The following SBF1 variants were observed in gnomAD, a reference collection of about 807,000 sequenced individuals.
SBF1 encodes the protein SET binding factor 1.
A neutral mutation model predicts 215.8 loss-of-function variants in SBF1; 65 were observed. The observed-to-expected ratio is 0.30, with a 90% confidence interval of 0.25 to 0.37. The LOEUF is 0.37. SBF1 is among the 10% of genes least tolerant of loss of function. SBF1 has a pLI of 1.00. For missense variants in SBF1, 2,634 were observed against 2,667.8 expected (o/e 0.99, Z 0.28); for synonymous variants, 1,410 against 1,122.8 (o/e 1.26, Z -5.11).
rs1385756882 is a variant in SBF1, at chr22:50,447,042, C to G, written c.*100G>C. On this transcript the variant is annotated 3_prime_UTR_variant, in exon 41 of 41. Coordinates refer to ENST00000380817, the MANE Select transcript of SBF1 (RefSeq NM_002972.4). The stretch of plus-strand genomic sequence containing the variant: ...GTGCTGGGGGCTCGGGGCCTCAATA[C>G]TGTCGAGGGCCGGGGCTGTAAACAT... The G allele has an allele frequency of 1.9e-6, 2 of 1,077,436 alleles. No homozygotes were observed. Among genetic ancestry groups the G allele is most frequent in the African/African-American group, 3.1e-5 (2 of 63,836 alleles). The allele number at this position is 1,077,436 out of a possible 1,614,324, so 66.7% of individuals were successfully genotyped here.
chr22:50,455,825 C>A, intron 31 of SBF1: 1 of 544,066 alleles, frequency 1.8e-6, no homozygotes, highest in Non-Finnish European at 3.2e-6. Context: ...GAGGGACGTC[C>A]CTGTCCCTCA....
chr22:50,468,112 G>A (rs565243639), intron 2 of SBF1, among the ~76,000 whole-genome samples, 189 bp from the exon 3 acceptor site: 1 of 152,298 alleles, frequency 6.6e-6, no homozygotes, highest in Non-Finnish European at 1.5e-5. Context: ...AACAGCCTCT[G>A]ACCTCCCCAC....
chr22:50,464,417 C>T lies in SBF1; in HGVS notation c.1661G>A (p.Gly554Glu), dbSNP rs2067658192. The T allele has an allele frequency of 2.5e-6, 4 of 1,614,002 alleles. No individual in the cohort carries two copies. The highest frequency in any genetic ancestry group is 2.2e-5 in the South Asian group (2 of 91,076). The change falls in exon 15 of 41, where the codon GGG (glycine) becomes GAG (glutamate). Residue 554 changes from glycine to glutamate, a missense_variant. Coordinates refer to ENST00000380817, the MANE Select transcript of SBF1 (RefSeq NM_002972.4). Reference protein sequence around the residue: ...PMTAILERCSGLHVNSARRLE... With the variant: ...PMTAILERCSELHVNSARRLE... ...CCGCCGGGCGCTGTTGACATGCAGCCCACTGCACCGCTCCAGTATGGCAGC... is the reference window on the plus strand; with the variant it reads ...CCGCCGGGCGCTGTTGACATGCAGCTCACTGCACCGCTCCAGTATGGCAGC...
chr22:50,464,062 G>A lies in SBF1; in HGVS notation c.1749+267C>T, dbSNP rs577873343. On this transcript the variant is annotated intron_variant, in intron 15 of 40. Transcript: ENST00000380817. ...CCAATTTAAGGGGAAGGACACAGAC[G>A]AAACATAATAGTGAAACCTTCTGAT... 2.6e-5 allele frequency among the ~76,000 whole-genome samples: 4 copies of A among 152,348 alleles called. No homozygotes were observed. In the South Asian group the frequency reaches 6.2e-4, roughly 24 times the overall value.
chr22:50,469,671 C>G (rs1469575956), intron 1 of SBF1, among the ~76,000 whole-genome samples: 1 of 152,226 alleles, frequency 6.6e-6, no homozygotes, highest in Non-Finnish European at 1.5e-5. Flanking sequence ...ACACCGCCAC[C>G]CACCTGGCGG....
At chr22:50,463,990 GCT>G (rs1410961839) in intron 15 of SBF1, among the ~76,000 whole-genome samples, 1 of 152,180 alleles carries the variant, frequency 6.6e-6, no homozygotes, top group African/African-American at 2.4e-5. Context: ...GAGGGAGCAA[GCT>G]CTGTTTTCCA....
intron 36 of SBF1, among the ~76,000 whole-genome samples, chr22:50,452,728 A>C (rs2067095308): frequency 8.2e-6 from 1 of 122,020 alleles, no homozygotes; most frequent in Non-Finnish European, 1.9e-5. Context: ...TCTCTCAAAA[A>C]AAAAAAAAAA....
Position 50,445,373 on chromosome 22 carries a change from C to T in SBF1, c.*1769G>A, listed in dbSNP as rs1282079631. On this transcript the variant is annotated 3_prime_UTR_variant, in exon 41 of 41. Transcript: ENST00000380817. ...CCCCTCCCAGAAGCCTGGGCCCCAC[C>T]TTGTCCTCAGTGGCTGAGTGGGAGG... The T allele has an allele frequency of 1.3e-5, 2 of 152,324 alleles. No individual in the cohort carries two copies. Among genetic ancestry groups the T allele is most frequent in the Non-Finnish European group, 2.9e-5 (2 of 68,108 alleles). 9.4% of individuals were successfully genotyped at this position (152,324 alleles called of 1,614,324 possible). A position where few individuals can be genotyped will look rare whatever the true frequency, so the allele number is the denominator to read the frequency against.
chr22:50,458,185 G>C (rs1363984657), intron 28 of SBF1, among the ~76,000 whole-genome samples: 2 of 152,016 alleles, frequency 1.3e-5, no homozygotes, highest in African/African-American at 4.8e-5. Flanking sequence ...GGCACCTGTA[G>C]TCCCAGCTAC....
Position 50,466,618 on chromosome 22 carries a change from G to C in SBF1, c.642C>G (p.Leu214=). ...AGACAGGCTCACCTAGCTGGCGGAA[G>C]AGCAGGGCCACGCTGCAGCGGCTGA... is the stretch of plus-strand genomic sequence containing the variant. The part of the protein sequence containing the change: ...LPVSRCSVAL[L]FRQLGITNVL... The change falls in exon 6 of 41, where the codon CTC becomes CTG. Residue 214 remains leucine (L), a synonymous_variant. Transcript: ENST00000380817. The C allele has an allele frequency of 6.4e-7, 1 of 1,552,364 alleles. No individual in the cohort carries two copies. Among genetic ancestry groups the C allele is most frequent in the Middle Eastern group, 1.7e-4 (1 of 5,982 alleles).
intron 36 of SBF1, among the ~76,000 whole-genome samples, chr22:50,451,424 A>G (rs1209292755): frequency 6.6e-6 from 1 of 152,210 alleles, no homozygotes; most frequent in African/African-American, 2.4e-5. Flanking sequence ...CTTGAAGACA[A>G]GCCAACAGAA....
intron 5 of SBF1, 45 bp downstream of exon 5, chr22:50,467,293 G>A (rs755759044): frequency 1.3e-6 from 2 of 1,521,882 alleles, no homozygotes; most frequent in African/African-American, 2.7e-5. Flanking sequence ...GGCCCCAGCA[G>A]GAGGGCCTGT....
intron 31 of SBF1, chr22:50,455,997 A>T: frequency 1.7e-6 from 1 of 586,284 alleles, no homozygotes; most frequent in Admixed American, 3.2e-5. Flanking sequence ...CGACATACCC[A>T]TGCCCAAGCC....
chr22:50,448,334 G>C lies in SBF1; in HGVS notation c.5262C>G (p.Ser1754Arg), dbSNP rs374020231. The C allele has an allele frequency of 6.2e-7, 1 of 1,613,800 alleles. No homozygotes were observed. Among genetic ancestry groups the C allele is most frequent in the Non-Finnish European group, 8.5e-7 (1 of 1,180,034 alleles). The change falls in exon 38 of 41, where the codon AGC (serine) becomes AGG (arginine). Residue 1754 changes from serine to arginine, a missense_variant. Ser to Arg is a moderately radical substitution (Grantham distance 110, BLOSUM62 -1). Transcript: ENST00000380817. ...VGSTLSLSLD[S>R]DQSSGSTTSG... Reference sequence around the variant, plus strand: ...ATGTGGTTGAGCCACTACTCTGGTCGCTGTCCAGGCTGAGGCTCAGGGTGG... The same window carrying C: ...ATGTGGTTGAGCCACTACTCTGGTCCCTGTCCAGGCTGAGGCTCAGGGTGG...
intron 1 of SBF1, among the ~76,000 whole-genome samples, chr22:50,471,788 C>A (rs1183730860): frequency 1.3e-5 from 2 of 152,164 alleles, no homozygotes; most frequent in South Asian, 4.1e-4. Context: ...CCATCCCAAA[C>A]AGCCCCAACC....
In SBF1 at chr22:50,448,433, G is replaced by A. The variant is rs1294062630; in HGVS notation, c.5163C>T (p.Ser1721=). ...EGRPDGRGTP[S]SLLVSTAPHH... ...GGGGTGCGGTGGACACAAGGAGGGA[G>A]CTAGGGGTGCCCTGGGAACAGGAGG... Residue 1721 remains serine (S), a synonymous_variant, in exon 38 of 41, where the codon AGC becomes AGT. Transcript: ENST00000380817. The A allele has an allele frequency of 1.2e-6, 2 of 1,613,606 alleles. No homozygotes were observed. The highest frequency in any genetic ancestry group is 1.7e-5 in the Admixed American group (1 of 59,998).
rs768418965 is a variant in SBF1, at chr22:50,460,699, G to A, written c.2981C>T (p.Ala994Val). Reference protein sequence around the residue: ...RSCTFQLLKMAFDEEVGSDSA... With the variant: ...RSCTFQLLKMVFDEEVGSDSA... ...GTCAGACCCCACCTCCTCGTCAAAG[G>A]CCATTTTCAGCAGCTGTGTCAGTAA... is the stretch of plus-strand genomic sequence containing the variant. The change falls in exon 24 of 41, where the codon GCC becomes GTC. Residue 994 changes from alanine to valine, a missense_variant. Transcript: ENST00000380817. The A allele has an allele frequency of 2.7e-5, 43 of 1,612,930 alleles. No individual in the cohort carries two copies. Among genetic ancestry groups the A allele is most frequent in the Non-Finnish European group, 3.6e-5 (42 of 1,179,868 alleles).
intron 15 of SBF1, among the ~76,000 whole-genome samples, chr22:50,463,952 A>G (rs944320766): frequency 6.6e-6 from 1 of 152,228 alleles, no homozygotes; most frequent in Non-Finnish European, 1.5e-5. Context: ...CTCTGTTTCC[A>G]TAAGATGCAA....
chr22:50,465,470 C>A lies in SBF1; in HGVS notation c.1090-142G>T, dbSNP rs928553946. On this transcript the variant is annotated intron_variant, in intron 10 of 40. Transcript: ENST00000380817. ...CCCTCCCACCATTCTGCACTCAGGG[C>A]CACCAGCTCCTCTGAAACTGTCTGG... The A allele has an allele frequency of 3.1e-5, 23 of 736,138 alleles. No individual in the cohort carries two copies. In the Admixed American group the frequency reaches 4.3e-4, roughly 14 times the overall value. The allele number at this position is 736,138 out of a possible 1,614,324, so 45.6% of individuals were successfully genotyped here.
Sources: gnomAD v4.1 joint callset for allele counts (sites outside exome capture counted in the v4.1 genomes callset) on GRCh38, gnomAD v4.1.1 for gene constraint, MANE v1.5 for transcripts, NCBI Gene and HGNC (gene_info 2026-07-23, HGNC 2026-07-21) for gene names.